ACBD5: variants seen among roughly 807,000 people sequenced by gnomAD.
ACBD5 encodes acyl-CoA binding domain containing 5.
In ACBD5, 40 loss-of-function variants were observed where a neutral mutation model predicts 71.8. The ratio of observed to expected loss-of-function variants is 0.56; its 90% CI spans 0.43 to 0.72. ACBD5 has a LOEUF of 0.72. ACBD5 is among the 30% of genes least tolerant of loss of function. The pLI, the probability that ACBD5 is intolerant of heterozygous loss-of-function variation, is 0.00. For synonymous variants in ACBD5, 229 were observed against 218.6 expected (o/e 1.05, Z -0.42); for missense variants, 559 against 644.5 (o/e 0.87, Z 1.44).
downstream of ACBD5, among the ~76,000 whole-genome samples, chr10:27,194,104 T>C (rs543938276): frequency 6.6e-6 from 1 of 151,304 alleles, no homozygotes; most frequent in South Asian, 2.1e-4. Context: ...TACAAAATAT[T>C]AGCCAGGAGT....
chr10:27,226,659 T>G (rs915000485), intron 4 of ACBD5, among the ~76,000 whole-genome samples: 15 of 134,888 alleles, frequency 1.1e-4, no homozygotes, highest in Admixed American at 9.2e-4. Flanking sequence ...ATTTTTTTTG[T>G]TAATTTTTTT....
chr10:27,183,476 G>A (rs1040157193), intron 13 of ACBD5, among the ~76,000 whole-genome samples: 1 of 151,990 alleles, frequency 6.6e-6, no homozygotes, highest in African/African-American at 2.4e-5. Context: ...GTAGAGATGG[G>A]GTTTCACCAT....
rs1356009911 is a variant in ACBD5, at chr10:27,196,812, G to A, written c.*618C>T. ...AAATCATTTGTAAAAACTCAGTCTG[G>A]TACATAGGACTCCACTTTTTAATAA... is the stretch of plus-strand genomic sequence containing the variant. On this transcript the variant is annotated 3_prime_UTR_variant, in exon 13 of 13. Transcript: ENST00000396271. The A allele has an allele frequency of 2.2e-6, 1 of 454,004 alleles. No individual in the cohort carries two copies. Among genetic ancestry groups the A allele is most frequent in the Non-Finnish European group, 4.4e-6 (1 of 226,782 alleles). The allele number at this position is 454,004 out of a possible 1,614,324, so 28.1% of individuals were successfully genotyped here. A position where few individuals can be genotyped will look rare whatever the true frequency, so the allele number is the denominator to read the frequency against.
At chr10:27,229,516 A>G (rs11015620) in intron 4 of ACBD5, among the ~76,000 whole-genome samples, 16,976 of 151,912 alleles carry the variant, frequency 0.11, 1,206 homozygotes, top group South Asian at 0.19. Context: ...CTGCACTCCA[A>G]CCTGGACAAC....
At chr10:27,189,865 G>A (rs866796279) in intron 13 of ACBD5, among the ~76,000 whole-genome samples, 1 of 151,588 alleles carries the variant, frequency 6.6e-6, no homozygotes, top group Non-Finnish European at 1.5e-5. Flanking sequence ...AAAATAAGTT[G>A]GTATCTGTTA....
At chr10:27,220,660 C>T (rs764238400) in intron 5 of ACBD5, among the ~76,000 whole-genome samples, 9 of 152,114 alleles carry the variant, frequency 5.9e-5, no homozygotes, top group Non-Finnish European at 8.8e-5. Context: ...TATCAAAATC[C>T]AAGCTGGCAT....
intron 4 of ACBD5, among the ~76,000 whole-genome samples, chr10:27,224,202 CAAA>C (rs35272279): frequency 1.6e-5 from 2 of 124,604 alleles, no homozygotes; most frequent in Non-Finnish European, 1.7e-5. Flanking sequence ...CCCATTTCTA[CAAA>C]AAAAAAAAAA....
chr10:27,240,755 C>A lies in ACBD5; in HGVS notation c.-67G>T, dbSNP rs760305051. ...GGAGCCGCTCTCCCACCCTGGGGAC[C>A]CTGGCGGAGCAGCCACACCCCCCAT... On this transcript the variant is annotated 5_prime_UTR_variant, in exon 1 of 13. Coordinates refer to ENST00000396271, the MANE Select transcript of ACBD5 (RefSeq NM_145698.5). The surrounding 1 kb of genome is among the most constrained non-coding windows in gnomAD (Gnocchi z 4.1). The A allele has an allele frequency of 6.5e-7, 1 of 1,549,310 alleles. No individual in the cohort carries two copies. The highest frequency in any genetic ancestry group is 1.2e-5 in the South Asian group (1 of 84,024).
chr10:27,209,978 G>A (rs552275525), intron 9 of ACBD5, among the ~76,000 whole-genome samples: 12 of 152,170 alleles, frequency 7.9e-5, no homozygotes, highest in Admixed American at 2.0e-4. Context: ...GTAAATACTC[G>A]TCCAAATTTC....
At position 27,228,258 on chromosome 10, in the gene ACBD5, G is replaced by C. The variant is rs1359181067; in HGVS notation, c.375+3490C>G. On this transcript the variant is annotated intron_variant, in intron 4 of 12. Transcript: ENST00000396271. ...ATATTCTGGAAATCCCCAGAAGAGAGCCTAAATTTGTACAAAAAAAAAAAA... is the reference window on the plus strand; with the variant it reads ...ATATTCTGGAAATCCCCAGAAGAGACCCTAAATTTGTACAAAAAAAAAAAA... Among the ~76,000 whole-genome samples, 2 of 103,422 alleles carry C rather than the reference G, an allele frequency of 1.9e-5. 1 individual carries two copies. Among genetic ancestry groups the C allele is most frequent in the Non-Finnish European group, 3.9e-5 (2 of 51,730 alleles). The allele number at this position is 103,422 out of a possible 152,430, so 67.8% of individuals were successfully genotyped here.
rs2065403743 is a variant in ACBD5 at position 27,240,776 on chromosome 10, C to T, written c.-88G>A. 5 of 1,537,652 alleles carry T rather than the reference C, an allele frequency of 3.3e-6. No individual in the cohort carries two copies. The highest frequency in any genetic ancestry group is 4.4e-6 in the Non-Finnish European group (5 of 1,136,082). On this transcript the variant is annotated 5_prime_UTR_variant, in exon 1 of 13. Coordinates refer to ENST00000396271, the MANE Select transcript of ACBD5 (RefSeq NM_145698.5). This position sits in a 1 kb window ranked among gnomAD's most constrained non-coding sequence, Gnocchi z 4.1. Reference sequence around the variant, plus strand: ...GGACCCTGGCGGAGCAGCCACACCCCCCATTCCGCCGGAGTCCGTCTGTCA... The same window carrying T: ...GGACCCTGGCGGAGCAGCCACACCCTCCATTCCGCCGGAGTCCGTCTGTCA...
At chr10:27,224,182 A>T (rs2243922) in intron 4 of ACBD5, among the ~76,000 whole-genome samples, 94,250 of 148,238 alleles carry the variant, frequency 0.64, 30,167 homozygotes, top group Non-Finnish European at 0.68. Flanking sequence ...CCTGGGCAAC[A>T]TAGTAAGGGC....
intron 10 of ACBD5, among the ~76,000 whole-genome samples, chr10:27,206,670 C>T (rs2060496805): frequency 6.6e-6 from 1 of 151,928 alleles, no homozygotes; most frequent in Admixed American, 6.6e-5. Flanking sequence ...CATGCACCAC[C>T]ACGCCCAGCT....
At chr10:27,221,365 T>G (rs7910765) in intron 5 of ACBD5, among the ~76,000 whole-genome samples, 14,737 of 152,190 alleles carry the variant, frequency 0.097, 2,318 homozygotes, top group African/African-American at 0.33. Context: ...CTCCCCAGAT[T>G]TTTAGTTCAT....
intron 4 of ACBD5, among the ~76,000 whole-genome samples, chr10:27,227,956 G>A (rs961076233): frequency 1.3e-5 from 2 of 151,720 alleles, no homozygotes; most frequent in African/African-American, 4.8e-5. Flanking sequence ...CAGGTGATCC[G>A]CCTGTCTCAG....
At position 27,208,489 on chromosome 10, in the gene ACBD5, T is replaced by C. The variant is rs775769086; in HGVS notation, c.1205-44A>G. The C allele has an allele frequency of 4.4e-6, 7 of 1,591,040 alleles. No individual in the cohort carries two copies. The South Asian group carries it at 4.4e-5, about 10-fold the overall frequency. On this transcript the variant is annotated intron_variant, in intron 9 of 12. Transcript: ENST00000396271. ...ATAAGCTTGTTTTAAATAATTCTTATACAAGTAAAACTGTGTTTTATTCAT... is the reference window on the plus strand; with the variant it reads ...ATAAGCTTGTTTTAAATAATTCTTACACAAGTAAAACTGTGTTTTATTCAT...
chr10:27,186,564 T>TCGTTATAGAA (rs1364319609), intron 13 of ACBD5: 1 of 1,589,732 alleles, frequency 6.3e-7, no homozygotes, highest in Non-Finnish European at 8.6e-7. Flanking sequence ...TAGTCTAGCC[T>TCGTTATAGAA]TGTGTTATAG....
intron 12 of ACBD5, among the ~76,000 whole-genome samples, chr10:27,198,441 T>A (rs150043484): frequency 2.7e-4 from 41 of 152,336 alleles, no homozygotes; most frequent in African/African-American, 9.4e-4. Flanking sequence ...GAAACTCTCA[T>A]AACAGATTGA....
chr10:27,208,192 A>G lies in ACBD5; in HGVS notation c.1404+54T>C, dbSNP rs2060670021. The G allele has an allele frequency of 5.8e-6, 9 of 1,558,208 alleles. No individual in the cohort carries two copies. In the East Asian group the frequency reaches 1.3e-4, roughly 23 times the overall value. ...TCAATATGATCAACGCAGACTCCACATTGCTTTCCAGAATCAATAAGCACA... is the reference window on the plus strand; with the variant it reads ...TCAATATGATCAACGCAGACTCCACGTTGCTTTCCAGAATCAATAAGCACA... On this transcript the variant is annotated intron_variant, in intron 10 of 12. Transcript: ENST00000396271.
Sources: gnomAD v4.1 joint callset for allele counts (sites outside exome capture counted in the v4.1 genomes callset) on GRCh38, gnomAD v4.1.1 for gene constraint, Gnocchi (gnomAD v3.1) non-coding constraint, MANE v1.5 for transcripts, NCBI Gene and HGNC (gene_info 2026-07-23, HGNC 2026-07-21) for gene names.